GTF2A1: variants seen among roughly 807,000 people sequenced by gnomAD.
The protein encoded by GTF2A1 is general transcription factor IIA subunit 1.
Under a neutral mutation model 54.1 loss-of-function variants are expected in GTF2A1, and 12 were observed. The ratio of observed to expected loss-of-function variants is 0.22; its 90% CI spans 0.14 to 0.36. GTF2A1 has a LOEUF of 0.36. GTF2A1 is among the 10% of genes least tolerant of loss of function. The probability of loss-of-function intolerance (pLI) is 1.00; values close to 1 mark genes in which losing one functional copy is unlikely to be tolerated. For synonymous variants in GTF2A1, 145 were observed against 152.0 expected (o/e 0.95, Z 0.34); for missense variants, 335 against 442.2 (o/e 0.76, Z 2.17).
chr14:81,196,632 T>C (rs1289488585), intron 5 of GTF2A1, among the ~76,000 whole-genome samples: 1 of 152,176 alleles, frequency 6.6e-6, no homozygotes, highest in Non-Finnish European at 1.5e-5. Context: ...GCTTAATAGC[T>C]CATTTAATAT....
chr14:81,181,859 G>A (rs1434269384), intron 8 of GTF2A1, among the ~76,000 whole-genome samples: 2 of 152,102 alleles, frequency 1.3e-5, no homozygotes, highest in Non-Finnish European at 2.9e-5. Context: ...GATATTTTCT[G>A]AGATCTCATT....
At chr14:81,183,191 G>C (rs1290205647) in intron 8 of GTF2A1, among the ~76,000 whole-genome samples, 1 of 152,124 alleles carries the variant, frequency 6.6e-6, no homozygotes. Context: ...CAAGAATAGT[G>C]CCAAGGGACA....
intron 2 of GTF2A1, among the ~76,000 whole-genome samples, chr14:81,213,915 T>A (rs185782994): frequency 0.01 from 1,540 of 151,646 alleles, 20 homozygotes; most frequent in Middle Eastern, 0.044. Flanking sequence ...TGATCTCGGC[T>A]CACTGCAACC....
chr14:81,207,180 TACCTACC>T, intron 2 of GTF2A1, among the ~76,000 whole-genome samples: 1 of 151,270 alleles, frequency 6.6e-6, no homozygotes, highest in African/African-American at 2.4e-5. Context: ...CCTACCTACC[TACCTACC>T]TACCTGATAT....
Position 81,212,207 on chromosome 14 carries a change from A to G in GTF2A1, c.132+4206T>C, listed in dbSNP as rs1314848977. The stretch of plus-strand genomic sequence containing the variant: ...ACTCTTCTCATTTGTTTTATTAAAA[A>G]GAGAGAAAATGTTTTATATCTCCCA... On this transcript the variant is annotated intron_variant, in intron 2 of 8. Transcript: ENST00000553612. 2.0e-5 allele frequency among the ~76,000 whole-genome samples: 3 copies of G among 152,174 alleles called. No homozygotes were observed. In the East Asian group the frequency reaches 5.8e-4, roughly 29 times the overall value.
chr14:81,186,068 G>C (rs758410617), intron 7 of GTF2A1, among the ~76,000 whole-genome samples: 12 of 137,650 alleles, frequency 8.7e-5, no homozygotes, highest in Non-Finnish European at 1.7e-4. Context: ...GGCCAAGATG[G>C]TCTTGATCTC....
At chr14:81,208,954 T>C (rs1224163788) in intron 2 of GTF2A1, among the ~76,000 whole-genome samples, 2 of 152,226 alleles carry the variant, frequency 1.3e-5, no homozygotes, top group Non-Finnish European at 2.9e-5. Flanking sequence ...TACAGGCTCA[T>C]AGGCAGAAGG....
intron 6 of GTF2A1, among the ~76,000 whole-genome samples, chr14:81,194,281 C>T (rs1367448830): frequency 6.6e-6 from 1 of 152,226 alleles, no homozygotes; most frequent in Non-Finnish European, 1.5e-5. Flanking sequence ...TTAAAAGTTT[C>T]ACCCCGAAAC....
At position 81,204,815 on chromosome 14, in the gene GTF2A1, G is replaced by GAAAGA. The variant is rs1555390095; in HGVS notation, c.133-716_133-712dup. Among the ~76,000 whole-genome samples the GAAAGA allele has an allele frequency of 1.1e-4, 16 of 152,230 alleles. No homozygotes were observed. The East Asian group carries it at 2.7e-3, about 26-fold the overall frequency. On this transcript the variant is annotated intron_variant, in intron 2 of 8. Coordinates refer to ENST00000553612, the MANE Select transcript of GTF2A1 (RefSeq NM_015859.4). ...TGGGAAAAATCATAATGGACAAAAA[G>GAAAGA]AAAGAAAAGAAAAGAAAACATGTGC... is the stretch of plus-strand genomic sequence containing the variant.
chr14:81,195,044 G>A (rs746916780), intron 6 of GTF2A1, among the ~76,000 whole-genome samples: 17 of 151,592 alleles, frequency 1.1e-4, no homozygotes, highest in Non-Finnish European at 1.9e-4. Context: ...GGAGGCTGAG[G>A]CAGGAGAATC....
chr14:81,187,860 G>A (rs1463629680), intron 7 of GTF2A1, among the ~76,000 whole-genome samples: 1 of 152,126 alleles, frequency 6.6e-6, no homozygotes, highest in Non-Finnish European at 1.5e-5. Flanking sequence ...GAACTGCTGG[G>A]TCATATGGAT....
chr14:81,196,631 C>T (rs914296922), intron 5 of GTF2A1, among the ~76,000 whole-genome samples: 9 of 152,136 alleles, frequency 5.9e-5, no homozygotes, highest in African/African-American at 1.9e-4. Context: ...AGCTTAATAG[C>T]TCATTTAATA....
chr14:81,203,893 G>T lies in GTF2A1; in HGVS notation c.337+7C>A. On this transcript the variant is annotated splice_region_variant and intron_variant, in intron 3 of 8. Coordinates refer to ENST00000553612, the MANE Select transcript of GTF2A1 (RefSeq NM_015859.4). Reference sequence around the variant, plus strand: ...AGTCATAAGTAGGAAAACAAGTCCAGTCTCACCTTGCTGTGATGCAGGAAT... The same window carrying T: ...AGTCATAAGTAGGAAAACAAGTCCATTCTCACCTTGCTGTGATGCAGGAAT... 6.2e-7 allele frequency: 1 copy of T among 1,606,270 alleles called. No homozygotes were observed. The highest frequency in any genetic ancestry group is 8.5e-7 in the Non-Finnish European group (1 of 1,172,850).
chr14:81,191,126 C>T (rs1336212187), intron 7 of GTF2A1, among the ~76,000 whole-genome samples: 1 of 111,534 alleles, frequency 9.0e-6, no homozygotes, highest in Non-Finnish European at 1.9e-5. Flanking sequence ...GAAATGCAAA[C>T]TAAAACCAAA....
chr14:81,183,906 C>T (rs1892686646), intron 8 of GTF2A1, among the ~76,000 whole-genome samples: 1 of 152,132 alleles, frequency 6.6e-6, no homozygotes, highest in East Asian at 1.9e-4. Context: ...AATATCCAAC[C>T]TCATTTTGCG....
chr14:81,219,821 GT>G (rs1595235715), intron 1 of GTF2A1, among the ~76,000 whole-genome samples: 1 of 152,202 alleles, frequency 6.6e-6, no homozygotes, highest in African/African-American at 2.4e-5. Flanking sequence ...GGCTTTTTTT[GT>G]TTGTTTTGGT....
intron 4 of GTF2A1, 47 bp downstream of exon 4, chr14:81,201,547 G>T: frequency 1.8e-6 from 2 of 1,108,412 alleles, no homozygotes; most frequent in Non-Finnish European, 2.8e-6. Context: ...TACAATGTGG[G>T]TTAGAATTAA....
At chr14:81,188,895 T>C (rs1302788589) in intron 7 of GTF2A1, among the ~76,000 whole-genome samples, 2 of 152,204 alleles carry the variant, frequency 1.3e-5, no homozygotes, top group Admixed American at 6.5e-5. Flanking sequence ...AATTTTTGTA[T>C]GTGGTATGCC....
At chr14:81,214,645 CAAA>C (rs760706461) in intron 2 of GTF2A1, among the ~76,000 whole-genome samples, 1 of 109,604 alleles carries the variant, frequency 9.1e-6, no homozygotes. Context: ...AACTCCGTCT[CAAA>C]AAAAAAAAAA....
Sources: allele counts gnomAD v4.1 joint callset (sites outside exome capture counted in the v4.1 genomes callset), GRCh38; gene constraint gnomAD v4.1.1; transcripts MANE v1.5; gene names NCBI Gene and HGNC (gene_info 2026-07-23, HGNC 2026-07-21).